Variants in RNF111 observed in about 807,000 individuals in gnomAD.
RNF111 encodes the protein ring finger protein 111, also known as E3 ubiquitin-protein ligase Arkadia.
A neutral mutation model predicts 95.1 loss-of-function variants in RNF111; 17 were observed. That is an observed-to-expected ratio of 0.18 (90% CI 0.12 to 0.27). The LOEUF (loss-of-function observed/expected upper bound fraction) is 0.27, where lower values mean the gene tolerates loss of function less well. Ranked by LOEUF, RNF111 falls within the 10% of genes least tolerant of loss-of-function variation. The pLI, the probability that RNF111 is intolerant of heterozygous loss-of-function variation, is 1.00. For synonymous variants in RNF111, 440 were observed against 414.8 expected, an observed-to-expected ratio of 1.06 and a Z score of -0.74; for missense variants, 1,189 against 1,210.4, an observed-to-expected ratio of 0.98 and a Z score of 0.26.
chr15:59,008,965 A>T (rs2039667516), intron 1 of RNF111, among the ~76,000 whole-genome samples: 1 of 149,648 alleles, frequency 6.7e-6, no homozygotes, highest in Non-Finnish European at 1.5e-5. Flanking sequence ...ATTTTATTTT[A>T]TTTTATTTTT....
At chr15:59,011,939 C>CA (rs2039835768) in intron 1 of RNF111, among the ~76,000 whole-genome samples, 1 of 148,584 alleles carries the variant, frequency 6.7e-6, no homozygotes, top group Admixed American at 6.8e-5. Flanking sequence ...AAGTTGGGAC[C>CA]AAAGATTCCT....
chr15:59,023,339 A>G (rs1336486142), intron 1 of RNF111, among the ~76,000 whole-genome samples: 1 of 152,192 alleles, frequency 6.6e-6, no homozygotes, highest in Non-Finnish European at 1.5e-5. Flanking sequence ...TGAATTTCCC[A>G]TAAATTTTTG....
intron 1 of RNF111, among the ~76,000 whole-genome samples, chr15:59,011,820 A>G (rs982732641): frequency 1.3e-5 from 2 of 152,024 alleles, no homozygotes; most frequent in Non-Finnish European, 2.9e-5. Context: ...ACTTCAACGT[A>G]TGAATTTTGG....
At chr15:59,005,380 AT>A (rs1479601131) in intron 1 of RNF111, among the ~76,000 whole-genome samples, 2 of 152,262 alleles carry the variant, frequency 1.3e-5, no homozygotes, top group African/African-American at 4.8e-5. Flanking sequence ...CCTAAATCAT[AT>A]ATGTAGAGTA....
intron 1 of RNF111, among the ~76,000 whole-genome samples, chr15:58,998,952 G>A (rs1218171138): frequency 6.6e-6 from 1 of 152,188 alleles, no homozygotes; most frequent in Non-Finnish European, 1.5e-5. Flanking sequence ...GTAAAGTGCA[G>A]TATCGAGCAG....
chr15:59,044,496 C>T (rs745682654), intron 2 of RNF111, among the ~76,000 whole-genome samples: 15 of 152,138 alleles, frequency 9.9e-5, no homozygotes, highest in African/African-American at 9.7e-5. Context: ...AAAGAACTCT[C>T]GCAGAGAAAC....
At chr15:59,071,214 G>A (rs2042908937) in intron 6 of RNF111, among the ~76,000 whole-genome samples, 1 of 150,648 alleles carries the variant, frequency 6.6e-6, no homozygotes, top group South Asian at 2.1e-4. Context: ...AGGAGAATGG[G>A]CCTGAACCCG....
chr15:59,058,058 C>G (rs1299265439), intron 4 of RNF111, among the ~76,000 whole-genome samples: 2 of 152,088 alleles, frequency 1.3e-5, no homozygotes, highest in East Asian at 1.9e-4. Flanking sequence ...CTGTTTTCTT[C>G]TTTGTGATAG....
intron 11 of RNF111, 115 bp from the exon 12 acceptor site, chr15:59,090,944 G>A: frequency 1.6e-6 from 1 of 614,320 alleles, no homozygotes; most frequent in South Asian, 2.5e-5. Context: ...TTTGAACACT[G>A]TATTTATATT....
rs578164814 is a variant in RNF111, at chr15:59,096,556, A to C, written c.*1656A>C. The C allele has an allele frequency of 1.3e-5, 2 of 152,978 alleles. No homozygotes were observed. The highest frequency in any genetic ancestry group is 2.9e-5 in the Non-Finnish European group (2 of 68,308). The allele number at this position is 152,978 out of a possible 1,614,324, so 9.5% of individuals were successfully genotyped here. ...CATTTATATTCATTCAGTTATGACT[A>C]CTTGCCCTTTTCTTCATATTAGTAA... On this transcript the variant is annotated 3_prime_UTR_variant, in exon 14 of 14. Transcript: ENST00000348370.
chr15:59,000,798 T>G (rs1402450540), intron 1 of RNF111, among the ~76,000 whole-genome samples: 1 of 152,186 alleles, frequency 6.6e-6, no homozygotes, highest in African/African-American at 2.4e-5. Flanking sequence ...CATCCCATCT[T>G]TCAGTTATGT....
chr15:59,093,442 C>T, intron 13 of RNF111: 1 of 441,088 alleles, frequency 2.3e-6, no homozygotes, highest in Non-Finnish European at 4.5e-6. Context: ...ACCTCCTGGG[C>T]TGAAGCGATC....
chr15:58,990,960 A>G (rs1299233083), intron 1 of RNF111, among the ~76,000 whole-genome samples: 1 of 152,142 alleles, frequency 6.6e-6, no homozygotes, highest in Non-Finnish European at 1.5e-5. Flanking sequence ...TACTCAATTT[A>G]TATCATTACA....
chr15:59,032,952 A>C (rs1424242543), intron 2 of RNF111, among the ~76,000 whole-genome samples: 1 of 152,216 alleles, frequency 6.6e-6, no homozygotes, highest in Non-Finnish European at 1.5e-5. Flanking sequence ...GTTTATTTGC[A>C]GACAGTCCTG....
At chr15:59,060,137 AGC>A (rs2042371043) in intron 5 of RNF111, among the ~76,000 whole-genome samples, 1 of 152,132 alleles carries the variant, frequency 6.6e-6, no homozygotes, top group African/African-American at 2.4e-5. Context: ...TCTCTCAAGT[AGC>A]TAGGACTACA....
intron 10 of RNF111, among the ~76,000 whole-genome samples, chr15:59,087,147 G>C (rs1408528352): frequency 1.3e-5 from 2 of 152,142 alleles, no homozygotes; most frequent in African/African-American, 4.8e-5. Flanking sequence ...AAGATATTTG[G>C]GTTAAAGATA....
chr15:59,027,856 A>G (rs1310425062), intron 1 of RNF111, among the ~76,000 whole-genome samples: 2 of 111,904 alleles, frequency 1.8e-5, no homozygotes, highest in Non-Finnish European at 3.6e-5. Context: ...TTTTTTCCCC[A>G]CTCTTGTTGT....
intron 1 of RNF111, among the ~76,000 whole-genome samples, chr15:59,012,615 A>G (rs1370431594): frequency 6.6e-6 from 1 of 152,208 alleles, no homozygotes; most frequent in African/African-American, 2.4e-5. Context: ...TAATAGAAAA[A>G]TTACGTATAA....
chr15:59,080,837 A>G (rs1337208250), intron 7 of RNF111, 99 bp from the exon 8 acceptor site: 1 of 941,090 alleles, frequency 1.1e-6, no homozygotes, highest in African/African-American at 1.7e-5. Flanking sequence ...ATAAAAATAA[A>G]ATACTAATAT....
Sources: gnomAD v4.1 joint callset for allele counts (sites outside exome capture counted in the v4.1 genomes callset) on GRCh38, gnomAD v4.1.1 for gene constraint, MANE v1.5 for transcripts, NCBI Gene and HGNC (gene_info 2026-07-23, HGNC 2026-07-21) for gene names.